Variants in ELF2 observed in about 807,000 individuals in gnomAD.
The protein encoded by ELF2 is E74 like ETS transcription factor 2, also known as ETS-related transcription factor Elf-2.
Under a neutral mutation model 54.8 loss-of-function variants are expected in ELF2, and 11 were observed. The ratio of observed to expected loss-of-function variants is 0.20; its 90% CI spans 0.13 to 0.33. ELF2 has a LOEUF of 0.33. Ranked by LOEUF, ELF2 falls within the 10% of genes least tolerant of loss-of-function variation. The pLI, the probability that ELF2 is intolerant of heterozygous loss-of-function variation, is 1.00. For synonymous variants in ELF2, 203 were observed against 245.1 expected (o/e 0.83, Z 1.61); for missense variants, 513 against 703.0 (o/e 0.73, Z 3.06).
intron 4 of ELF2, among the ~76,000 whole-genome samples, chr4:139,094,811 A>G (rs576401654): frequency 6.6e-6 from 1 of 152,202 alleles, no homozygotes; most frequent in South Asian, 2.1e-4. Context: ...CTAATTTTAG[A>G]TTTATTTATT....
At chr4:139,072,804 G>A (rs941149282) in intron 5 of ELF2, among the ~76,000 whole-genome samples, 3 of 152,130 alleles carry the variant, frequency 2.0e-5, no homozygotes, top group Admixed American at 6.5e-5. Context: ...TCATATCTCT[G>A]AGTAATACAC....
intron 4 of ELF2, among the ~76,000 whole-genome samples, chr4:139,113,664 G>A (rs752090090): frequency 1.3e-5 from 2 of 152,096 alleles, no homozygotes; most frequent in Non-Finnish European, 2.9e-5. Flanking sequence ...AGACCAGCCT[G>A]GCCAACATGG....
At chr4:139,127,573 T>A (rs1010855370) in intron 3 of ELF2, among the ~76,000 whole-genome samples, 2 of 152,062 alleles carry the variant, frequency 1.3e-5, no homozygotes, top group African/African-American at 4.8e-5. Context: ...GTAAAGAAAT[T>A]ATAATACATA....
At chr4:139,099,508 A>G (rs1291776120) in intron 4 of ELF2, among the ~76,000 whole-genome samples, 2 of 152,222 alleles carry the variant, frequency 1.3e-5, no homozygotes, top group African/African-American at 2.4e-5. Flanking sequence ...AAGTCAACTG[A>G]TAATTGGCTC....
chr4:139,115,275 G>C, intron 4 of ELF2: 4 of 1,601,618 alleles, frequency 2.5e-6, no homozygotes, highest in Non-Finnish European at 2.6e-6. Flanking sequence ...CGGTCCCGGG[G>C]GGGGCTCTGA....
At chr4:139,111,943 TTGAC>T (rs1182698394) in intron 4 of ELF2, among the ~76,000 whole-genome samples, 6 of 152,330 alleles carry the variant, frequency 3.9e-5, no homozygotes, top group African/African-American at 1.4e-4. Flanking sequence ...AAGTAATTCT[TTGAC>T]TGTCCTATTC....
At chr4:139,086,444 G>T (rs542921557) in intron 4 of ELF2, among the ~76,000 whole-genome samples, 2 of 152,208 alleles carry the variant, frequency 1.3e-5, no homozygotes, top group African/African-American at 4.8e-5. Flanking sequence ...AAAGAAAAAA[G>T]ATGAATTATT....
intron 7 of ELF2, chr4:139,065,954 T>C (rs1485208527): frequency 1.3e-5 from 2 of 149,520 alleles, no homozygotes; most frequent in Admixed American, 1.3e-4. Flanking sequence ...ATAAGAAAAG[T>C]ATCCTAAGCC....
At chr4:139,084,540 T>G (rs1239762867) in intron 4 of ELF2, 2 of 572,596 alleles carry the variant, frequency 3.5e-6, no homozygotes, top group Non-Finnish European at 4.5e-6. Context: ...GGACGCTTGC[T>G]CCAGAGAGCG....
intron 1 of ELF2, among the ~76,000 whole-genome samples, chr4:139,172,270 A>G (rs1742382707): frequency 6.6e-6 from 1 of 152,234 alleles, no homozygotes. Flanking sequence ...CCTTACCTAC[A>G]GCTTTACTTT....
chr4:139,084,298 C>A, intron 4 of ELF2: 1 of 1,598,094 alleles, frequency 6.3e-7, no homozygotes, highest in South Asian at 1.1e-5. Context: ...GTGCGACCGA[C>A]ACACACTCAC....
intron 4 of ELF2, among the ~76,000 whole-genome samples, chr4:139,100,096 A>T (rs1733713832): frequency 6.6e-6 from 1 of 152,236 alleles, no homozygotes; most frequent in South Asian, 2.1e-4. Flanking sequence ...GCATCAGAGT[A>T]CAATGCTTGA....
intron 1 of ELF2, among the ~76,000 whole-genome samples, chr4:139,164,169 AAAG>A (rs1741480362): frequency 6.7e-6 from 1 of 148,598 alleles, no homozygotes; most frequent in South Asian, 2.2e-4. Context: ...GAAGGAAAAG[AAAG>A]AAAGAAAGAG....
Position 139,059,439 on chromosome 4 carries a change from C to A in ELF2, c.1326G>T (p.Met442Ile), listed in dbSNP as rs1439542836. Residue 442 changes from methionine to isoleucine, a missense_variant, in exon 10 of 10, where the codon ATG becomes ATT. Met to Ile is a conservative substitution (Grantham distance 10, BLOSUM62 1). Around this residue, in one of 3 missense-constraint regions of ELF2, gnomAD observed 291 missense variants for 366.1 expected, o/e 0.79. Coordinates refer to ENST00000686138, the MANE Select transcript of ELF2 (RefSeq NM_001331036.3). ...TGTCTCCATTTTCAGTAGAAGCTGG[C>A]ATCACAGTAGGGATTGTCTGAATGA... Reference protein sequence around the residue: ...KVVIQTIPTVMPASTENGDKI... With the variant: ...KVVIQTIPTVIPASTENGDKI... 11 of 1,613,852 alleles carry A rather than the reference C, an allele frequency of 6.8e-6. No homozygotes were observed. The highest frequency in any genetic ancestry group is 9.3e-6 in the Non-Finnish European group (11 of 1,179,870).
intron 4 of ELF2, chr4:139,084,475 G>C (rs1224206986): frequency 1.7e-5 from 17 of 982,510 alleles, no homozygotes; most frequent in Middle Eastern, 4.3e-4. Flanking sequence ...TGGCTGTGGC[G>C]GCCGCCGCAG....
At chr4:139,130,079 G>GA (rs1371491680) in intron 3 of ELF2, among the ~76,000 whole-genome samples, 1 of 152,048 alleles carries the variant, frequency 6.6e-6, no homozygotes, top group African/African-American at 2.4e-5. Flanking sequence ...TTACAAAAGG[G>GA]AAATTTGGAC....
chr4:139,167,211 G>T (rs1401649853), intron 1 of ELF2, among the ~76,000 whole-genome samples: 2 of 152,148 alleles, frequency 1.3e-5, no homozygotes, highest in African/African-American at 4.8e-5. Flanking sequence ...AGAAACGTTA[G>T]TTATATTACC....
At chr4:139,079,652 C>T (rs755596663) in intron 4 of ELF2, among the ~76,000 whole-genome samples, 1 of 152,206 alleles carries the variant, frequency 6.6e-6, no homozygotes, top group Non-Finnish European at 1.5e-5. Flanking sequence ...TGGCTCACAC[C>T]TATAATCTCA....
At chr4:139,087,413 C>T (rs1045703743) in intron 4 of ELF2, among the ~76,000 whole-genome samples, 4 of 152,156 alleles carry the variant, frequency 2.6e-5, no homozygotes, top group Admixed American at 6.6e-5. Flanking sequence ...CTGTGCCCAG[C>T]CCTGCAGCTA....
Sources: allele counts gnomAD v4.1 joint callset (sites outside exome capture counted in the v4.1 genomes callset), GRCh38; gene constraint gnomAD v4.1.1; regional missense constraint gnomAD v4.1.1; transcripts MANE v1.5; gene names NCBI Gene and HGNC (gene_info 2026-07-23, HGNC 2026-07-21).